SPATA6L: variants seen among roughly 807,000 people sequenced by gnomAD.
SPATA6L encodes spermatogenesis associated 6-like protein.
Under a neutral mutation model 49.2 loss-of-function variants are expected in SPATA6L, and 68 were observed. That is an observed-to-expected ratio of 1.38 (90% CI 1.14 to 1.69). The LOEUF (loss-of-function observed/expected upper bound fraction) is 1.69, where lower values mean the gene tolerates loss of function less well. Ranked by LOEUF, SPATA6L falls within the 40% of genes most tolerant of loss-of-function variation. SPATA6L has a pLI of 0.00. For synonymous variants in SPATA6L, 198 were observed against 165.7 expected (o/e 1.19, Z -1.50); for missense variants, 668 against 464.3 (o/e 1.44, Z -4.03).
intron 7 of SPATA6L, among the ~76,000 whole-genome samples, chr9:4,621,126 A>G (rs1216310411): frequency 2.0e-5 from 3 of 152,236 alleles, no homozygotes; most frequent in Non-Finnish European, 4.4e-5. Flanking sequence ...AAAGTCCAGT[A>G]CTACCAGCAG....
At position 4,635,415 on chromosome 9, in the gene SPATA6L, A is replaced by C. The variant is rs749487760; in HGVS notation, c.227-16T>G. ...TCATCCCACACTAGAAAGAAAATAG[A>C]AAAAGCATAAATATCTGTATTTACA... On this transcript the variant is annotated splice_polypyrimidine_tract_variant and intron_variant, in intron 3 of 11. Coordinates refer to ENST00000682582, the MANE Select transcript of SPATA6L (RefSeq NM_001353486.2). 21 of 1,572,000 alleles carry C rather than the reference A, an allele frequency of 1.3e-5. No individual in the cohort carries two copies. Among genetic ancestry groups the C allele is most frequent in the Non-Finnish European group, 1.6e-5 (19 of 1,167,410 alleles).
intron 3 of SPATA6L, among the ~76,000 whole-genome samples, chr9:4,649,062 TACACACACAC>T (rs55949521): frequency 0.43 from 63,915 of 150,038 alleles, 13,545 homozygotes; most frequent in East Asian, 0.55. Flanking sequence ...TATAGAAATA[TACACACACAC>T]ACACACACAC....
intron 3 of SPATA6L, among the ~76,000 whole-genome samples, chr9:4,652,849 A>AG (rs1265225371): frequency 7.2e-5 from 11 of 151,824 alleles, no homozygotes; most frequent in Non-Finnish European, 4.4e-5. Flanking sequence ...CCCAAAAAAA[A>AG]AAAAAAAAAA....
At chr9:4,659,809 C>T (rs560694233) in intron 2 of SPATA6L, among the ~76,000 whole-genome samples, 24 of 152,258 alleles carry the variant, frequency 1.6e-4, no homozygotes, top group African/African-American at 4.3e-4. Context: ...CAAAACAGCA[C>T]AGTACTGGTA....
At chr9:4,626,350 C>T (rs1830344847) in intron 5 of SPATA6L, 1 of 1,252,688 alleles carries the variant, frequency 8.0e-7, no homozygotes, top group Admixed American at 2.9e-5. Flanking sequence ...AGGAACCTTC[C>T]TCCAAGCTCC....
At chr9:4,637,847 T>C (rs949997911) in intron 3 of SPATA6L, among the ~76,000 whole-genome samples, 6 of 152,168 alleles carry the variant, frequency 3.9e-5, no homozygotes, top group African/African-American at 1.2e-4. Flanking sequence ...TCAATAAGCA[T>C]TAGCTACCCT....
At chr9:4,612,229 C>T (rs1377657353) in intron 9 of SPATA6L, among the ~76,000 whole-genome samples, 2 of 152,140 alleles carry the variant, frequency 1.3e-5, no homozygotes, top group Non-Finnish European at 2.9e-5. Flanking sequence ...CTGCCTCAGC[C>T]TCCCAAAGTG....
At chr9:4,605,924 C>T (rs1443498044) in intron 9 of SPATA6L, among the ~76,000 whole-genome samples, 2 of 152,186 alleles carry the variant, frequency 1.3e-5, no homozygotes, top group Non-Finnish European at 2.9e-5. Context: ...TAGGGAGTGC[C>T]AGACAGTGGG....
intron 3 of SPATA6L, among the ~76,000 whole-genome samples, chr9:4,647,805 C>A (rs574453100): frequency 6.7e-5 from 10 of 148,784 alleles, no homozygotes; most frequent in South Asian, 4.2e-4. Flanking sequence ...ATAATTCTCA[C>A]AAAATAACAT....
At chr9:4,639,550 CA>C (rs1291157338) in intron 3 of SPATA6L, among the ~76,000 whole-genome samples, 1 of 152,160 alleles carries the variant, frequency 6.6e-6, no homozygotes, top group Admixed American at 6.5e-5. Flanking sequence ...TCCAAACTGC[CA>C]CCAAGTGTGA....
intron 4 of SPATA6L, among the ~76,000 whole-genome samples, chr9:4,631,960 C>A (rs1831656986): frequency 6.6e-6 from 1 of 151,362 alleles, no homozygotes; most frequent in South Asian, 2.1e-4. Flanking sequence ...TGAAGGAGGA[C>A]TGAACAGGAT....
chr9:4,638,249 T>C (rs1042226568), intron 3 of SPATA6L, among the ~76,000 whole-genome samples: 1 of 152,198 alleles, frequency 6.6e-6, no homozygotes, highest in African/African-American at 2.4e-5. Flanking sequence ...CTCGCTCTTA[T>C]TGCCCAGACT....
chr9:4,662,742 G>C lies in SPATA6L; in HGVS notation c.40-706C>G, dbSNP rs1296935725. 3 of 1,603,348 alleles carry C rather than the reference G, an allele frequency of 1.9e-6. No individual in the cohort carries two copies. The highest frequency in any genetic ancestry group is 2.5e-6 in the Non-Finnish European group (3 of 1,179,950). The stretch of plus-strand genomic sequence containing the variant: ...CAAGAAGCTGGGGGTGTGCGCGGGA[G>C]AGAGCTCGTCGTGGGGCAGCGTGCG... On this transcript the variant is annotated intron_variant, in intron 1 of 11. Transcript: ENST00000682582. The surrounding 1 kb of genome is among the most constrained non-coding windows in gnomAD (Gnocchi z 4.9).
intron 3 of SPATA6L, among the ~76,000 whole-genome samples, chr9:4,646,947 T>C (rs1319260284): frequency 6.6e-6 from 1 of 151,736 alleles, no homozygotes; most frequent in Non-Finnish European, 1.5e-5. Flanking sequence ...AGAGAGAGGA[T>C]CAGAAAAAAT....
In SPATA6L at chr9:4,618,977, A is replaced by G. The variant is rs542012793; in HGVS notation, c.773-79T>C. 28 of 1,304,738 alleles carry G rather than the reference A, an allele frequency of 2.1e-5. No individual in the cohort carries two copies. In the African/African-American group the frequency reaches 4.0e-4, roughly 19 times the overall value. 80.8% of individuals were successfully genotyped at this position (1,304,738 alleles called of 1,614,324 possible). On this transcript the variant is annotated intron_variant, in intron 7 of 11. Coordinates refer to ENST00000682582, the MANE Select transcript of SPATA6L (RefSeq NM_001353486.2). ...AAAACTGCCATTATATTTATTCTAC[A>G]GCAGTACAAAAATTTTAGACAATGA...
intron 3 of SPATA6L, among the ~76,000 whole-genome samples, chr9:4,638,356 C>T (rs963540751): frequency 2.0e-5 from 3 of 152,028 alleles, no homozygotes; most frequent in African/African-American, 7.2e-5. Context: ...GGACTAGAGG[C>T]ACCCCGCCAC....
downstream of SPATA6L, among the ~76,000 whole-genome samples, chr9:4,595,565 G>A (rs1168780086): frequency 6.6e-6 from 1 of 152,086 alleles, no homozygotes; most frequent in Non-Finnish European, 1.5e-5. Flanking sequence ...TACCCCAAAG[G>A]ACATTTCCTC....
chr9:4,630,088 C>T (rs1831215486), intron 4 of SPATA6L, among the ~76,000 whole-genome samples: 1 of 151,818 alleles, frequency 6.6e-6, no homozygotes, highest in Admixed American at 6.6e-5. Flanking sequence ...ATTTATGTGA[C>T]ATTCTCAAAA....
chr9:4,611,505 G>A (rs559058992), intron 9 of SPATA6L, among the ~76,000 whole-genome samples: 7 of 149,052 alleles, frequency 4.7e-5, no homozygotes, highest in Non-Finnish European at 7.4e-5. Flanking sequence ...GTAGGGACAC[G>A]GATGAAATTG....
Sources: allele counts gnomAD v4.1 joint callset (sites outside exome capture counted in the v4.1 genomes callset), GRCh38; gene constraint gnomAD v4.1.1; non-coding constraint Gnocchi (gnomAD v3.1); transcripts MANE v1.5; gene names NCBI Gene and HGNC (gene_info 2026-07-23, HGNC 2026-07-21).